Variants in TLE4 observed in about 807,000 individuals in gnomAD.
TLE4 encodes the protein transducin-like enhancer protein 4.
Under a neutral mutation model 92.8 loss-of-function variants are expected in TLE4, and 8 were observed. The observed-to-expected ratio is 0.09, with a 90% confidence interval of 0.05 to 0.16. The LOEUF is 0.16. Ranked by LOEUF, TLE4 falls within the 10% of genes least tolerant of loss-of-function variation. The pLI, the probability that TLE4 is intolerant of heterozygous loss-of-function variation, is 1.00. For missense variants in TLE4, 675 were observed against 997.6 expected (o/e 0.68, Z 4.36); for synonymous variants, 371 against 374.1 (o/e 0.99, Z 0.10).
chr9:79,600,037 A>G (rs2045210307), intron 4 of TLE4, among the ~76,000 whole-genome samples: 1 of 152,230 alleles, frequency 6.6e-6, no homozygotes, highest in Non-Finnish European at 1.5e-5. Context: ...CCTGACAAAT[A>G]GTAAGTAGAT....
At chr9:79,652,510 T>C in intron 6 of TLE4, 83 bp from the exon 7 acceptor site, 5 of 1,519,246 alleles carry the variant, frequency 3.3e-6, no homozygotes, top group East Asian at 2.3e-5. Flanking sequence ...TTACTGCCGA[T>C]TTATGCCTCC....
chr9:79,595,849 CTT>C (rs746656900), intron 4 of TLE4, among the ~76,000 whole-genome samples: 16 of 138,558 alleles, frequency 1.2e-4, no homozygotes, highest in Admixed American at 7.2e-5. Context: ...TTGCCATCTA[CTT>C]TTTTTTTTTT....
At chr9:79,654,428 A>G (rs530099580) in intron 8 of TLE4, among the ~76,000 whole-genome samples, 1 of 152,212 alleles carries the variant, frequency 6.6e-6, no homozygotes, top group African/African-American at 2.4e-5. Flanking sequence ...GTAAAGAGAT[A>G]CATATTAGTT....
chr9:79,676,936 A>G (rs1435842454), intron 8 of TLE4, among the ~76,000 whole-genome samples: 1 of 152,114 alleles, frequency 6.6e-6, no homozygotes, highest in Non-Finnish European at 1.5e-5. Context: ...CAGTATTTTA[A>G]TTTCTTTCAT....
At chr9:79,719,681 C>T (rs1311819206) in intron 15 of TLE4, among the ~76,000 whole-genome samples, 1 of 152,188 alleles carries the variant, frequency 6.6e-6, no homozygotes, top group Non-Finnish European at 1.5e-5. Context: ...GAGCCTGAGT[C>T]TACCAAGGTT....
intron 4 of TLE4, among the ~76,000 whole-genome samples, chr9:79,580,750 T>G (rs1424234724): frequency 6.6e-6 from 1 of 152,070 alleles, no homozygotes; most frequent in Non-Finnish European, 1.5e-5. Context: ...AATTGAACTC[T>G]TGTATAATAA....
In TLE4 at chr9:79,696,833, T is replaced by C. The variant is rs1588371210; in HGVS notation, c.610-7950T>C. On this transcript the variant is annotated intron_variant, in intron 8 of 19. Coordinates refer to ENST00000376552, the MANE Select transcript of TLE4 (RefSeq NM_007005.6). Reference sequence around the variant, plus strand: ...GCAGCTGTTATGCTTGTGTTGATATTTTCATTCAAAAACAGAGCACAGTGC... The same window carrying C: ...GCAGCTGTTATGCTTGTGTTGATATCTTCATTCAAAAACAGAGCACAGTGC... Among the ~76,000 whole-genome samples, 5 of 152,146 alleles carry C rather than the reference T, an allele frequency of 3.3e-5. No homozygotes were observed. The South Asian group carries it at 1.0e-3, about 31-fold the overall frequency.
intron 17 of TLE4, 110 bp from the exon 18 acceptor site, chr9:79,722,341 T>G (rs1192926280): frequency 7.6e-7 from 1 of 1,308,994 alleles, no homozygotes; most frequent in Non-Finnish European, 1.0e-6. Flanking sequence ...ATTCAAATTA[T>G]CTTGATTTTC....
intron 4 of TLE4, among the ~76,000 whole-genome samples, chr9:79,611,531 C>T (rs999744043): frequency 6.6e-6 from 1 of 152,004 alleles, no homozygotes; most frequent in Non-Finnish European, 1.5e-5. Context: ...CTGGTAATGA[C>T]TTGGCAAGAA....
intron 8 of TLE4, among the ~76,000 whole-genome samples, chr9:79,685,592 T>C (rs2065674155): frequency 6.6e-6 from 1 of 152,208 alleles, no homozygotes; most frequent in Non-Finnish European, 1.5e-5. Context: ...AGAATACTAC[T>C]CTAGGGGGAT....
In TLE4 at chr9:79,636,691, C is replaced by G. The variant is rs146495460; in HGVS notation, c.390+9243C>G. 1.6e-4 allele frequency among the ~76,000 whole-genome samples: 24 copies of G among 152,244 alleles called. No individual in the cohort carries two copies. In the East Asian group the frequency reaches 4.6e-3, roughly 29 times the overall value. On this transcript the variant is annotated intron_variant, in intron 6 of 19. Transcript: ENST00000376552. ...TCTTTGCTTCTAATTCATTCTCTGTCCCATTAACCTGTTTTATTGTCGTCA... is the reference window on the plus strand; with the variant it reads ...TCTTTGCTTCTAATTCATTCTCTGTGCCATTAACCTGTTTTATTGTCGTCA...
Position 79,725,288 on chromosome 9 carries a change from T to C in TLE4, c.*144T>C. 1 of 581,556 alleles carries C rather than the reference T, an allele frequency of 1.7e-6. No homozygotes were observed. Among genetic ancestry groups the C allele is most frequent in the Non-Finnish European group, 3.1e-6 (1 of 326,738 alleles). 36.0% of individuals were successfully genotyped at this position (581,556 alleles called of 1,614,324 possible). On this transcript the variant is annotated 3_prime_UTR_variant, in exon 20 of 20. Transcript: ENST00000376552. ...TGGAGTTTAATCCCCTTTCTTAACCTCACTTCCCACTTGCTATTGAATTGT... is the reference window on the plus strand; with the variant it reads ...TGGAGTTTAATCCCCTTTCTTAACCCCACTTCCCACTTGCTATTGAATTGT...
chr9:79,601,045 C>G (rs1366454826), intron 4 of TLE4, among the ~76,000 whole-genome samples: 1 of 152,174 alleles, frequency 6.6e-6, no homozygotes, highest in East Asian at 1.9e-4. Context: ...GTCAGGTGAT[C>G]AGCAATCTGG....
intron 4 of TLE4, among the ~76,000 whole-genome samples, chr9:79,611,817 G>A (rs553314289): frequency 6.6e-6 from 1 of 151,428 alleles, no homozygotes; most frequent in African/African-American, 2.4e-5. Flanking sequence ...AAAACATGTA[G>A]TGGTGGTTTT....
In TLE4 at chr9:79,725,336, A is replaced by G. The variant is rs775642890; in HGVS notation, c.*192A>G. Reference sequence around the variant, plus strand: ...TGTGAATAGTCATTAAAAACCTGTGATACCAAATCTTCAGCTGTCTACTTG... The same window carrying G: ...TGTGAATAGTCATTAAAAACCTGTGGTACCAAATCTTCAGCTGTCTACTTG... On this transcript the variant is annotated 3_prime_UTR_variant, in exon 20 of 20. Coordinates refer to ENST00000376552, the MANE Select transcript of TLE4 (RefSeq NM_007005.6). 33 of 477,634 alleles carry G rather than the reference A, an allele frequency of 6.9e-5. No individual in the cohort carries two copies. Among genetic ancestry groups the G allele is most frequent in the Admixed American group, 2.2e-4 (6 of 27,108 alleles). The allele number at this position is 477,634 out of a possible 1,614,324, so 29.6% of individuals were successfully genotyped here.
Position 79,572,250 on chromosome 9 carries a change from A to G in TLE4, c.-541A>G, listed in dbSNP as rs2036026111. The G allele has an allele frequency of 6.6e-6, 1 of 152,216 alleles. No homozygotes were observed. The highest frequency in any genetic ancestry group is 1.5e-5 in the Non-Finnish European group (1 of 68,032). 9.4% of individuals were successfully genotyped at this position (152,216 alleles called of 1,614,324 possible). ...TTAAAAGATCGTTGCTGTGAAGTGA[A>G]AAAAATCTCCAGAGAAACCAAAAAG... On this transcript the variant is annotated 5_prime_UTR_variant, in exon 1 of 20. Coordinates refer to ENST00000376552, the MANE Select transcript of TLE4 (RefSeq NM_007005.6).
intron 14 of TLE4, among the ~76,000 whole-genome samples, chr9:79,713,623 T>G (rs551784295): frequency 2.0e-5 from 3 of 152,328 alleles, no homozygotes; most frequent in South Asian, 4.1e-4. Context: ...AAAGTACTTT[T>G]GTAAATTAGG....
At chr9:79,701,927 C>T (rs1220362384) in intron 8 of TLE4, among the ~76,000 whole-genome samples, 4 of 152,166 alleles carry the variant, frequency 2.6e-5, no homozygotes, top group Non-Finnish European at 5.9e-5. Flanking sequence ...GTTGTGAGTG[C>T]TTTACTCATT....
intron 4 of TLE4, among the ~76,000 whole-genome samples, chr9:79,592,278 T>C (rs577385316): frequency 9.0e-4 from 128 of 142,688 alleles, no homozygotes; most frequent in Admixed American, 4.0e-3. Flanking sequence ...TCTTCTTCTT[T>C]TTTTTTTTTT....
Sources: allele counts gnomAD v4.1 joint callset (sites outside exome capture counted in the v4.1 genomes callset), GRCh38; gene constraint gnomAD v4.1.1; transcripts MANE v1.5; gene names NCBI Gene and HGNC (gene_info 2026-07-23, HGNC 2026-07-21).